Variants in USP34 observed in about 807,000 individuals in gnomAD.
The protein encoded by USP34 is ubiquitin carboxyl-terminal hydrolase 34.
A neutral mutation model predicts 460.3 loss-of-function variants in USP34; 70 were observed. That is an observed-to-expected ratio of 0.15 (90% CI 0.13 to 0.19). The LOEUF (loss-of-function observed/expected upper bound fraction) is 0.19, where lower values mean the gene tolerates loss of function less well. USP34 is among the 10% of genes least tolerant of loss of function. USP34 has a pLI of 1.00. For synonymous variants in USP34, 1,647 were observed against 1,405.3 expected (o/e 1.17, Z -3.85); for missense variants, 3,985 against 4,236.2 (o/e 0.94, Z 1.65).
chr2:61,347,810 A>T, intron 15 of USP34, 60 bp downstream of exon 15: 1 of 1,566,730 alleles, frequency 6.4e-7, no homozygotes, highest in Non-Finnish European at 8.7e-7. Context: ...AATTGAATAT[A>T]GGATATAATA....
chr2:61,224,213 A>C (rs1687668330), intron 62 of USP34, among the ~76,000 whole-genome samples: 1 of 152,194 alleles, frequency 6.6e-6, no homozygotes, highest in Non-Finnish European at 1.5e-5. Context: ...TAAATATTTT[A>C]ATCTATTGGT....
At chr2:61,313,830 TGATA>T (rs1001998223) in intron 25 of USP34, among the ~76,000 whole-genome samples, 13 of 152,112 alleles carry the variant, frequency 8.5e-5, no homozygotes, top group African/African-American at 3.1e-4. Flanking sequence ...CAATCTTTCT[TGATA>T]TTTTAAAAAT....
chr2:61,239,680 A>G (rs1165470351), intron 53 of USP34, among the ~76,000 whole-genome samples: 1 of 152,192 alleles, frequency 6.6e-6, no homozygotes, highest in African/African-American at 2.4e-5. Flanking sequence ...AAAAAAGACA[A>G]CATTCCTGGC....
intron 33 of USP34, among the ~76,000 whole-genome samples, chr2:61,290,906 C>T (rs555860268): frequency 3.9e-5 from 6 of 152,106 alleles, no homozygotes; most frequent in South Asian, 2.1e-4. Flanking sequence ...GATTAGGTAA[C>T]GGTTTTGTAG....
intron 29 of USP34, among the ~76,000 whole-genome samples, 163 bp from the exon 30 acceptor site, chr2:61,297,088 AAATT>A (rs759027376): frequency 1.3e-5 from 2 of 152,240 alleles, no homozygotes; most frequent in Non-Finnish European, 2.9e-5. Flanking sequence ...ATATTTGAGA[AAATT>A]AATAGCCAAG....
intron 39 of USP34, among the ~76,000 whole-genome samples, chr2:61,278,853 C>T (rs1336520252): frequency 6.6e-6 from 1 of 151,706 alleles, no homozygotes; most frequent in Non-Finnish European, 1.5e-5. Flanking sequence ...AGATGTAATT[C>T]ACACACAATT....
At chr2:61,301,304 G>C (rs1374956250) in intron 28 of USP34, 50 bp downstream of exon 28, 2 of 1,576,802 alleles carry the variant, frequency 1.3e-6, no homozygotes, top group East Asian at 2.2e-5. Flanking sequence ...CTATTCAACT[G>C]ATGATTATAA....
intron 20 of USP34, among the ~76,000 whole-genome samples, chr2:61,328,028 G>A (rs1171051349): frequency 1.3e-5 from 2 of 152,204 alleles, no homozygotes; most frequent in African/African-American, 4.8e-5. Context: ...CAGGTGCAGT[G>A]GCTCATGCCT....
intron 1 of USP34, among the ~76,000 whole-genome samples, chr2:61,421,988 G>A (rs1298066297): frequency 6.6e-6 from 1 of 152,132 alleles, no homozygotes; most frequent in South Asian, 2.1e-4. Flanking sequence ...AAAAGGAAAC[G>A]GCGTAAGGCC....
At chr2:61,239,194 C>T (rs1157292108) in intron 53 of USP34, among the ~76,000 whole-genome samples, 1 of 151,782 alleles carries the variant, frequency 6.6e-6, no homozygotes, top group East Asian at 1.9e-4. Flanking sequence ...AATTAACAAC[C>T]CTACAATGGC....
intron 53 of USP34, 97 bp from the exon 54 acceptor site, chr2:61,236,486 C>G: frequency 1.1e-6 from 1 of 892,910 alleles, no homozygotes; most frequent in South Asian, 2.1e-5. Flanking sequence ...TAAAAAACCA[C>G]AAAATAAAAT....
intron 75 of USP34, among the ~76,000 whole-genome samples, chr2:61,198,557 CTTTTTT>C (rs11340973): frequency 7.2e-6 from 1 of 139,548 alleles, no homozygotes; most frequent in Non-Finnish European, 1.6e-5. Context: ...ATCTGATAGA[CTTTTTT>C]TTTTTTTTTT....
At chr2:61,382,978 A>G (rs1233220023) in intron 6 of USP34, among the ~76,000 whole-genome samples, 2 of 152,216 alleles carry the variant, frequency 1.3e-5, no homozygotes, top group East Asian at 3.8e-4. Context: ...CCTAGAACGT[A>G]ACAGACACTT....
chr2:61,447,270 A>AC (rs1379287884), intron 1 of USP34, among the ~76,000 whole-genome samples: 1 of 150,706 alleles, frequency 6.6e-6, no homozygotes, highest in Non-Finnish European at 1.5e-5. Context: ...AAAAAAAAAA[A>AC]AAAAAAAAAA....
At chr2:61,230,715 G>A (rs1228376160) in intron 58 of USP34, among the ~76,000 whole-genome samples, 1 of 151,572 alleles carries the variant, frequency 6.6e-6, no homozygotes, top group African/African-American at 2.4e-5. Flanking sequence ...ACGGTGGTGC[G>A]CGCCTGTAAT....
At chr2:61,198,688 G>T (rs1686881600) in intron 75 of USP34, among the ~76,000 whole-genome samples, 1 of 151,982 alleles carries the variant, frequency 6.6e-6, no homozygotes, top group Admixed American at 6.6e-5. Flanking sequence ...GCCTAATATG[G>T]TGAAACCTCA....
intron 15 of USP34, chr2:61,346,472 G>T (rs1345060597): frequency 1.4e-5 from 2 of 142,508 alleles, no homozygotes; most frequent in African/African-American, 5.3e-5. Flanking sequence ...ACTACGGTGA[G>T]CTATGATCAC....
intron 27 of USP34, 35 bp downstream of exon 27, chr2:61,311,505 A>C (rs185570447): frequency 3.9e-6 from 6 of 1,533,648 alleles, no homozygotes; most frequent in Non-Finnish European, 5.2e-6. Context: ...AGAAAGAGAG[A>C]AAGAGAAAGA....
intron 1 of USP34, among the ~76,000 whole-genome samples, chr2:61,453,453 T>C (rs1237602018): frequency 1.3e-5 from 2 of 151,870 alleles, no homozygotes; most frequent in African/African-American, 2.4e-5. Context: ...CTTGTGCCTG[T>C]AATCCCAGCA....
Sources: gnomAD v4.1 joint callset for allele counts (sites outside exome capture counted in the v4.1 genomes callset) on GRCh38, gnomAD v4.1.1 for gene constraint, MANE v1.5 for transcripts, NCBI Gene and HGNC (gene_info 2026-07-23, HGNC 2026-07-21) for gene names.